Variants in SYBU observed in about 807,000 individuals in gnomAD.
SYBU encodes GOLSYN A protein.
Under a neutral mutation model 35.9 loss-of-function variants are expected in SYBU, and 21 were observed. The ratio of observed to expected loss-of-function variants is 0.58; its 90% confidence interval spans 0.41 to 0.84. The LOEUF (loss-of-function observed/expected upper bound fraction) is 0.84, where lower values mean the gene tolerates loss of function less well. SYBU is among the 40% of genes least tolerant of loss of function. The pLI is 0.00. For synonymous variants in SYBU, 319 were observed against 324.3 expected (o/e 0.98, Z 0.18); for missense variants, 768 against 848.2 (o/e 0.91, Z 1.17).
intron 1 of SYBU, among the ~76,000 whole-genome samples, chr8:109,687,657 G>A (rs1817550281): frequency 1.3e-5 from 2 of 152,090 alleles, no homozygotes; most frequent in Admixed American, 1.3e-4. Flanking sequence ...GATCATCCTG[G>A]GCTTCTAAGA....
In SYBU at chr8:109,574,939, C is replaced by T. The variant is rs1268538862; in HGVS notation, c.1959G>A (p.Ser653=). ...TGATACGGAAGGCGGTGCGGCGGAG[C>T]GAATGCAGGGCAACCACGCAACAGC... is the stretch of plus-strand genomic sequence containing the variant. The part of the protein sequence containing the change: ...LRGCCVVALH[S]LRRTAFRIKT Residue 653 remains serine (S), a synonymous_variant, in exon 7 of 7, where the codon TCG becomes TCA. Coordinates refer to ENST00000276646, the MANE Select transcript of SYBU (RefSeq NM_001099754.2). 4 of 1,516,438 alleles carry T rather than the reference C, an allele frequency of 2.6e-6. No individual in the cohort carries two copies. The highest frequency in any genetic ancestry group is 1.8e-4 in the Middle Eastern group (1 of 5,614). 93.9% of individuals were successfully genotyped at this position (1,516,438 alleles called of 1,614,324 possible).
chr8:109,682,893 C>T (rs955429882), upstream of SYBU, among the ~76,000 whole-genome samples: 13 of 152,218 alleles, frequency 8.5e-5, no homozygotes, highest in Non-Finnish European at 1.5e-4. Flanking sequence ...CTAAAAGGGG[C>T]TAAGGTACAG....
At chr8:109,607,420 T>C (rs1826178285) in intron 3 of SYBU, among the ~76,000 whole-genome samples, 1 of 152,112 alleles carries the variant, frequency 6.6e-6, no homozygotes, top group South Asian at 2.1e-4. Flanking sequence ...ACGAACAGGC[T>C]CTCTCTTGAT....
chr8:109,625,962 ATAT>A (rs1187703094), intron 2 of SYBU, among the ~76,000 whole-genome samples: 1 of 152,176 alleles, frequency 6.6e-6, no homozygotes, highest in Non-Finnish European at 1.5e-5. Flanking sequence ...CCAGTACTAA[ATAT>A]TATTTGGTTT....
chr8:109,653,076 G>C (rs2130722467), intron 1 of SYBU, among the ~76,000 whole-genome samples: 1 of 152,220 alleles, frequency 6.6e-6, no homozygotes, highest in South Asian at 2.1e-4. Context: ...CCCAGAGGAG[G>C]ATAAACTATG....
chr8:109,681,168 CT>C (rs972651150), upstream of SYBU, among the ~76,000 whole-genome samples: 7 of 152,190 alleles, frequency 4.6e-5, no homozygotes, highest in African/African-American at 1.4e-4. Flanking sequence ...TGTTTCACTT[CT>C]TATGAATGTC....
At chr8:109,633,128 T>C (rs1813825836) in intron 2 of SYBU, among the ~76,000 whole-genome samples, 1 of 152,188 alleles carries the variant, frequency 6.6e-6, no homozygotes, top group Non-Finnish European at 1.5e-5. Flanking sequence ...ACAGATAAGT[T>C]TTTGTTACTT....
intron 1 of SYBU, among the ~76,000 whole-genome samples, chr8:109,654,560 A>G (rs925770590): frequency 6.6e-6 from 1 of 152,084 alleles, no homozygotes. Context: ...TCTTGGGGCA[A>G]TATCTTTCTT....
At position 109,619,883 on chromosome 8, in the gene SYBU, A is replaced by G. The variant is rs74818869; in HGVS notation, c.230-844T>C. On this transcript the variant is annotated intron_variant, in intron 2 of 6. Coordinates refer to ENST00000276646, the MANE Select transcript of SYBU (RefSeq NM_001099754.2). ...CATACACACACAACCAAAAATACAT[A>G]AATCAGATATATTGCTATCTGGAGT... is the stretch of plus-strand genomic sequence containing the variant. 1.8e-3 allele frequency among the ~76,000 whole-genome samples: 280 copies of G among 152,364 alleles called. 3 individuals are homozygous for G. In the East Asian group the frequency reaches 0.037, roughly 20 times the overall value.
At chr8:109,639,667 A>AT (rs1237670723) in intron 2 of SYBU, among the ~76,000 whole-genome samples, 2 of 152,196 alleles carry the variant, frequency 1.3e-5, no homozygotes, top group African/African-American at 2.4e-5. Flanking sequence ...AAAGGATGGT[A>AT]TTTTTTAATA....
rs373540115 is a variant in SYBU at position 109,687,750 on chromosome 8, A to C, written c.-58+3583T>G. On this transcript the variant is annotated intron_variant, in intron 1 of 7. Coordinates refer to the SYBU transcript ENST00000422135. ...CAAAGCATATGGACTTTGATGAGGCATCTGGCAAAATGTCACATGGTATTA... is the reference window on the plus strand; with the variant it reads ...CAAAGCATATGGACTTTGATGAGGCCTCTGGCAAAATGTCACATGGTATTA... 1.4e-3 allele frequency among the ~76,000 whole-genome samples: 206 copies of C among 152,276 alleles called. 1 individual carries two copies. Among genetic ancestry groups the C allele is most frequent in the Middle Eastern group, 3.4e-3 (1 of 294 alleles).
At chr8:109,588,806 G>C (rs1472294321) in intron 3 of SYBU, among the ~76,000 whole-genome samples, 1 of 152,028 alleles carries the variant, frequency 6.6e-6, no homozygotes, top group African/African-American at 2.4e-5. Flanking sequence ...TGCAACTAAG[G>C]TATTGTTTTC....
rs572225712 is a variant in SYBU at position 109,597,868 on chromosome 8, T to C, written c.428-11706A>G. Among the ~76,000 whole-genome samples the C allele has an allele frequency of 2.0e-5, 3 of 152,374 alleles. No homozygotes were observed. The South Asian group carries it at 6.2e-4, about 32-fold the overall frequency. ...TTCAAAATGTCTTTGTGAAGTTAAA[T>C]GTCTGTTGAGCGAGTCAGGCAATTA... On this transcript the variant is annotated intron_variant, in intron 3 of 6. Coordinates refer to ENST00000276646, the MANE Select transcript of SYBU (RefSeq NM_001099754.2).
chr8:109,629,781 T>G, intron 2 of SYBU, among the ~76,000 whole-genome samples: 1 of 152,120 alleles, frequency 6.6e-6, no homozygotes, highest in East Asian at 1.9e-4. Context: ...AGTGTTCCTA[T>G]TTCTCCACAT....
At chr8:109,645,815 C>A (rs994256361), upstream of SYBU, 6 of 168,590 alleles carry the variant, frequency 3.6e-5, no homozygotes, top group Admixed American at 3.3e-4. Context: ...CCTACGCCTA[C>A]GGTTCTTGAC....
At position 109,622,210 on chromosome 8, in the gene SYBU, T is replaced by TATCA. The variant is rs757664276; in HGVS notation, c.230-3172_230-3171insTGAT. On this transcript the variant is annotated intron_variant, in intron 2 of 6. Coordinates refer to ENST00000276646, the MANE Select transcript of SYBU (RefSeq NM_001099754.2). ...CTATCTATCTATCTATCTATCTATC[T>TATCA]ATCTATCTATCTATCATCTATCTAT... 2.7e-5 allele frequency among the ~76,000 whole-genome samples: 4 copies of TATCA among 148,920 alleles called. 1 individual carries two copies. The highest frequency in any genetic ancestry group is 1.0e-4 in the African/African-American group (4 of 40,024).
rs578090953 is a variant in SYBU, at chr8:109,675,242, G to A, written c.-129+5469C>T. 1.1e-4 allele frequency among the ~76,000 whole-genome samples: 17 copies of A among 152,244 alleles called. No individual in the cohort carries two copies. In the East Asian group the frequency reaches 1.2e-3, roughly 10 times the overall value. Reference sequence around the variant, plus strand: ...ACAATGAAAAGAACTAGAGGAGCAAGAGCAAACAAATTCAAAAGCTAGCAG... The same window carrying A: ...ACAATGAAAAGAACTAGAGGAGCAAAAGCAAACAAATTCAAAAGCTAGCAG... On this transcript the variant is annotated intron_variant, in intron 1 of 5. Transcript: ENST00000408889.
upstream of SYBU, chr8:109,646,082 G>C (rs1815666354): frequency 6.6e-6 from 1 of 152,244 alleles, no homozygotes; most frequent in South Asian, 2.1e-4. Flanking sequence ...TGTCCAACTG[G>C]GGACTTAGAA....
At chr8:109,666,495 C>T (rs1426934296) in intron 1 of SYBU, among the ~76,000 whole-genome samples, 1 of 152,160 alleles carries the variant, frequency 6.6e-6, no homozygotes, top group Non-Finnish European at 1.5e-5. Context: ...AATCCCAGAA[C>T]TTTGACAGGC....
Sources: gnomAD v4.1 joint callset for allele counts (sites outside exome capture counted in the v4.1 genomes callset) on GRCh38, gnomAD v4.1.1 for gene constraint, MANE v1.5 for transcripts, NCBI Gene and HGNC (gene_info 2026-07-23, HGNC 2026-07-21) for gene names.